The following MYRIP variants were observed in gnomAD, a reference collection of about 807,000 sequenced individuals.
MYRIP encodes the protein rab effector MyRIP.
A neutral mutation model predicts 98.0 loss-of-function variants in MYRIP; 49 were observed. That is an observed-to-expected ratio of 0.50 (90% CI 0.40 to 0.63). The LOEUF (loss-of-function observed/expected upper bound fraction) is 0.63. MYRIP is among the 30% of genes least tolerant of loss of function. The probability of loss-of-function intolerance (pLI) is 0.00; values close to 1 mark genes in which losing one functional copy is unlikely to be tolerated. For synonymous variants in MYRIP, 404 were observed against 409.5 expected (o/e 0.99, Z 0.16); for missense variants, 1,004 against 1,058.2 (o/e 0.95, Z 0.71).
intron 11 of MYRIP, among the ~76,000 whole-genome samples, chr3:40,230,070 C>T (rs1287268284): frequency 1.3e-5 from 2 of 152,190 alleles, no homozygotes; most frequent in Non-Finnish European, 2.9e-5. Flanking sequence ...ATCTGGGTCC[C>T]TTAGCTGCAA....
intron 1 of MYRIP, among the ~76,000 whole-genome samples, chr3:39,857,278 G>GAAGGAAGGAAGGAAGT (rs1942332101): frequency 6.7e-6 from 1 of 150,134 alleles, no homozygotes; most frequent in Admixed American, 6.6e-5. Flanking sequence ...AGGAAGGAAG[G>GAAGGAAGGAAGGAAGT]AAAAATGAGT....
chr3:40,026,610 T>G (rs1575475058), intron 2 of MYRIP, among the ~76,000 whole-genome samples: 1 of 152,164 alleles, frequency 6.6e-6, no homozygotes, highest in Admixed American at 6.5e-5. Context: ...CTGCCATGGC[T>G]CCAGCCAGTC....
At chr3:40,018,250 A>G (rs1946913451) in intron 2 of MYRIP, among the ~76,000 whole-genome samples, 1 of 152,060 alleles carries the variant, frequency 6.6e-6, no homozygotes, top group African/African-American at 2.4e-5. Context: ...CTTATCTTCA[A>G]TATCTTCTCT....
rs1327048715 is a variant in MYRIP, at chr3:39,906,886, G to T, written c.110+5960G>T. On this transcript the variant is annotated intron_variant, in intron 2 of 16. Coordinates refer to ENST00000302541, the MANE Select transcript of MYRIP (RefSeq NM_015460.4). Reference sequence around the variant, plus strand: ...AGAGAAGAGGCACTGACTGGAAGAAGAAATGCAAAATACAGCTTCCTAGGC... The same window carrying T: ...AGAGAAGAGGCACTGACTGGAAGAATAAATGCAAAATACAGCTTCCTAGGC... Among the ~76,000 whole-genome samples, 5 of 152,208 alleles carry T rather than the reference G, an allele frequency of 3.3e-5. No homozygotes were observed. In the East Asian group the frequency reaches 7.7e-4, roughly 23 times the overall value.
At chr3:40,076,785 G>C (rs890827336) in intron 3 of MYRIP, among the ~76,000 whole-genome samples, 1 of 152,128 alleles carries the variant, frequency 6.6e-6, no homozygotes, top group Non-Finnish European at 1.5e-5. Flanking sequence ...TGGTCAGCTG[G>C]CAGGCTCTGT....
intron 2 of MYRIP, among the ~76,000 whole-genome samples, chr3:39,990,324 A>T (rs1575442927): frequency 6.6e-6 from 1 of 152,078 alleles, no homozygotes; most frequent in East Asian, 1.9e-4. Context: ...GTCATTTCCG[A>T]TGTTGGAATC....
At chr3:40,132,477 T>G (rs1229978097) in intron 3 of MYRIP, among the ~76,000 whole-genome samples, 1 of 152,250 alleles carries the variant, frequency 6.6e-6, no homozygotes, top group African/African-American at 2.4e-5. Context: ...GCTGGACTGT[T>G]CAGTGGCTAG....
intron 3 of MYRIP, among the ~76,000 whole-genome samples, chr3:40,138,408 C>A (rs1244487629): frequency 6.6e-6 from 1 of 152,170 alleles, no homozygotes; most frequent in African/African-American, 2.4e-5. Flanking sequence ...TTTAAGTAAT[C>A]AGTTCTAACT....
rs541426726 is a variant in MYRIP, at chr3:39,946,538, G to A, written c.110+45612G>A. Among the ~76,000 whole-genome samples the A allele has an allele frequency of 4.4e-4, 67 of 152,204 alleles. No individual in the cohort carries two copies. The South Asian group carries it at 8.1e-3, about 18-fold the overall frequency. On this transcript the variant is annotated intron_variant, in intron 2 of 16. Coordinates refer to ENST00000302541, the MANE Select transcript of MYRIP (RefSeq NM_015460.4). ...AGAAGTGTGAGAGGTTATTAACTGGGGGTTCTCCAGTGCTGAGACGGAGGA... is the reference window on the plus strand; with the variant it reads ...AGAAGTGTGAGAGGTTATTAACTGGAGGTTCTCCAGTGCTGAGACGGAGGA...
chr3:40,045,475 G>A (rs1412527795), intron 3 of MYRIP, among the ~76,000 whole-genome samples: 1 of 152,178 alleles, frequency 6.6e-6, no homozygotes, highest in African/African-American at 2.4e-5. Flanking sequence ...CAAAGGGAAG[G>A]AGGAAACTGG....
intron 5 of MYRIP, among the ~76,000 whole-genome samples, chr3:40,166,202 C>T (rs899915704): frequency 5.9e-5 from 9 of 152,096 alleles, no homozygotes; most frequent in African/African-American, 2.2e-4. Context: ...GCCCATTGTC[C>T]TTAGTACATT....
At chr3:39,939,386 G>A (rs2125707583) in intron 2 of MYRIP, among the ~76,000 whole-genome samples, 1 of 152,120 alleles carries the variant, frequency 6.6e-6, no homozygotes, top group South Asian at 2.1e-4. Flanking sequence ...TACACATGAA[G>A]ACTATGTAGC....
chr3:40,160,579 G>A lies in MYRIP; in HGVS notation c.470-2151G>A, dbSNP rs557622958. The stretch of plus-strand genomic sequence containing the variant: ...TAAGTAAGCCTGGGCAATGGCGGGC[G>A]CCCCTCCCCCAGCCTCGCTGCCACC... On this transcript the variant is annotated intron_variant, in intron 4 of 16. Transcript: ENST00000302541. Among the ~76,000 whole-genome samples the A allele has an allele frequency of 2.4e-4, 36 of 152,290 alleles. No homozygotes were observed. The South Asian group carries it at 2.5e-3, about 11-fold the overall frequency.
chr3:40,048,688 T>C (rs188673135), intron 3 of MYRIP, among the ~76,000 whole-genome samples: 1 of 152,268 alleles, frequency 6.6e-6, no homozygotes, highest in East Asian at 1.9e-4. Flanking sequence ...AGTAAAAGCA[T>C]TTTGAGAATT....
At chr3:40,144,580 T>C (rs1949973717) in intron 3 of MYRIP, among the ~76,000 whole-genome samples, 2 of 152,204 alleles carry the variant, frequency 1.3e-5, no homozygotes, top group Non-Finnish European at 2.9e-5. Flanking sequence ...AGCAGGGCAG[T>C]GTGTGGAAGG....
intron 2 of MYRIP, among the ~76,000 whole-genome samples, chr3:39,936,950 C>A (rs1190176310): frequency 2.6e-5 from 4 of 152,120 alleles, no homozygotes; most frequent in Non-Finnish European, 5.9e-5. Context: ...TAGTTGTTAT[C>A]CCCAATAACA....
At chr3:40,195,838 T>C (rs376801338) in intron 10 of MYRIP, among the ~76,000 whole-genome samples, 23 of 152,278 alleles carry the variant, frequency 1.5e-4, no homozygotes, top group East Asian at 9.6e-4. Context: ...TATGACATAA[T>C]AATTTTCTGA....
At chr3:40,211,118 C>T (rs555206237) in intron 11 of MYRIP, among the ~76,000 whole-genome samples, 63 of 152,286 alleles carry the variant, frequency 4.1e-4, no homozygotes, top group African/African-American at 1.4e-3. Context: ...CCAGGGCTCA[C>T]ATCTGGTAAG....
At chr3:40,091,926 T>C (rs1359939735) in intron 3 of MYRIP, among the ~76,000 whole-genome samples, 1 of 152,176 alleles carries the variant, frequency 6.6e-6, no homozygotes, top group Non-Finnish European at 1.5e-5. Flanking sequence ...CATTTTCTAC[T>C]CCCTGGTAAT....
Sources: allele counts gnomAD v4.1 joint callset (sites outside exome capture counted in the v4.1 genomes callset), GRCh38; gene constraint gnomAD v4.1.1; transcripts MANE v1.5; gene names NCBI Gene and HGNC (gene_info 2026-07-23, HGNC 2026-07-21).